The following EHD1 variants were observed in gnomAD, a reference collection of about 807,000 sequenced individuals.
EHD1 encodes EH domain containing 1, also known as EH domain-containing protein 1.
Under a neutral mutation model 39.0 loss-of-function variants are expected in EHD1, and 19 were observed. That is an observed-to-expected ratio of 0.49 (90% confidence interval 0.34 to 0.72). The LOEUF is 0.72. EHD1 is among the 30% of genes least tolerant of loss of function. The probability of loss-of-function intolerance (pLI) is 0.01; values close to 1 mark genes in which losing one functional copy is unlikely to be tolerated. For missense variants in EHD1, 542 were observed against 751.5 expected, an observed-to-expected ratio of 0.72 and a Z score of 3.26; for synonymous variants, 323 against 331.2, an observed-to-expected ratio of 0.98 and a Z score of 0.27.
At chr11:64,869,261 C>T (rs1048384409) in intron 2 of EHD1, among the ~76,000 whole-genome samples, 1 of 152,270 alleles carries the variant, frequency 6.6e-6, no homozygotes, top group Non-Finnish European at 1.5e-5. Context: ...GTGGCAGAGC[C>T]TGCACGCCCC....
intron 2 of EHD1, 111 bp downstream of exon 2, chr11:64,874,301 CAAAAAAAAA>C: frequency 8.4e-6 from 4 of 477,570 alleles, no homozygotes; most frequent in Non-Finnish European, 1.3e-5. Context: ...AAGACTCCGT[CAAAAAAAAA>C]AAAAAAAAAA....
upstream of EHD1, chr11:64,878,754 G>A: frequency 7.7e-7 from 1 of 1,296,454 alleles, no homozygotes; most frequent in Non-Finnish European, 9.8e-7. Flanking sequence ...TCCGACTGGT[G>A]CCACGTCTTC....
chr11:64,864,490 CAG>C lies in EHD1; in HGVS notation c.503-4156_503-4155del, dbSNP rs146600229. The stretch of plus-strand genomic sequence containing the variant: ...GAGGCCAAGGGCAACATGAGGGAAA[CAG>C]GGGCAGGGAGAGGCCGCCTCTGCCC... On this transcript the variant is annotated intron_variant, in intron 2 of 4. Coordinates refer to ENST00000320631, the MANE Select transcript of EHD1 (RefSeq NM_006795.4). 2.7e-3 allele frequency among the ~76,000 whole-genome samples: 407 copies of C among 152,354 alleles called. 24 individuals carry two copies. In the East Asian group the frequency reaches 0.066, roughly 25 times the overall value.
At chr11:64,861,141 G>T (rs7952306) in intron 2 of EHD1, among the ~76,000 whole-genome samples, 115,690 of 151,148 alleles carry the variant, frequency 0.77, 46,441 homozygotes, top group Non-Finnish European at 0.88. Context: ...AGCCGAGATT[G>T]TGCCACTGCA....
In EHD1 at chr11:64,860,053, G is replaced by A; in HGVS notation, c.786C>T (p.Leu262=). 1.2e-6 allele frequency: 2 copies of A among 1,614,162 alleles called. No homozygotes were observed. Among genetic ancestry groups the A allele is most frequent in the Admixed American group, 1.7e-5 (1 of 60,024 alleles). Reference sequence around the variant, plus strand: ...AGAGCTTGCGGTTGTCGGGGATGAGGAGCGGGTGGGACCAGAAGGAGCCGA... The same window carrying A: ...AGAGCTTGCGGTTGTCGGGGATGAGAAGCGGGTGGGACCAGAAGGAGCCGA... ...VYIGSFWSHP[L]LIPDNRKLFE... is the part of the protein sequence containing the mutation. The change falls in exon 3 of 5, where the codon CTC becomes CTT. Residue 262 remains leucine (L), a synonymous_variant. Transcript: ENST00000320631.
At chr11:64,861,956 G>A (rs1008515704) in intron 2 of EHD1, among the ~76,000 whole-genome samples, 1 of 152,126 alleles carries the variant, frequency 6.6e-6, no homozygotes, top group African/African-American at 2.4e-5. Context: ...CACCCAGGCT[G>A]GAGTGCAGTG....
chr11:64,877,445 G>A (rs1943896676), intron 1 of EHD1, among the ~76,000 whole-genome samples: 1 of 152,144 alleles, frequency 6.6e-6, no homozygotes, highest in Admixed American at 6.5e-5. Flanking sequence ...AACCCCTCAG[G>A]GCAGCACTGA....
chr11:64,874,987 G>A (rs1943870054), intron 1 of EHD1, among the ~76,000 whole-genome samples: 1 of 152,240 alleles, frequency 6.6e-6, no homozygotes, highest in South Asian at 2.1e-4. Flanking sequence ...CAGCCGCTTG[G>A]GTGAGGGAAT....
rs1373037767 is a variant in EHD1, at chr11:64,874,508, C to T, written c.415G>A (p.Ala139Thr). ...GNAFLNRFMC[A>T]QLPNPVLDSI... ...TCCAGGACGGGGTTGGGCAGCTGGG[C>T]ACACATGAACCTACATGAGAGCAAG... Residue 139 changes from alanine to threonine, a missense_variant, in exon 2 of 5, where the codon GCC (alanine) becomes ACC (threonine). By Grantham distance (58) the Ala-to-Thr change is moderately conservative. Coordinates refer to ENST00000320631, the MANE Select transcript of EHD1 (RefSeq NM_006795.4). 1.2e-6 allele frequency: 2 copies of T among 1,607,250 alleles called. No homozygotes were observed. Among genetic ancestry groups the T allele is most frequent in the African/African-American group, 2.7e-5 (2 of 74,622 alleles).
intron 2 of EHD1, among the ~76,000 whole-genome samples, chr11:64,866,898 C>T (rs1943773148): frequency 6.6e-6 from 1 of 151,978 alleles, no homozygotes; most frequent in African/African-American, 2.4e-5. Context: ...CAGGAGTAAT[C>T]AAGTGCACAG....
Position 64,871,367 on chromosome 11 carries a change from G to A in EHD1, c.502+3054C>T, listed in dbSNP as rs184847761. On this transcript the variant is annotated intron_variant, in intron 2 of 4. Coordinates refer to ENST00000320631, the MANE Select transcript of EHD1 (RefSeq NM_006795.4). ...ACCTCCTCCGCTGGACAGGCCACAC[G>A]GGCCTTTCCATGACTGACGGGCGGG... Among the ~76,000 whole-genome samples, 9 of 152,260 alleles carry A rather than the reference G, an allele frequency of 5.9e-5. No individual in the cohort carries two copies. In the East Asian group the frequency reaches 1.4e-3, roughly 23 times the overall value.
chr11:64,878,877 G>A (rs1943922912), upstream of EHD1: 5 of 1,065,866 alleles, frequency 4.7e-6, no homozygotes, highest in Non-Finnish European at 5.7e-6. Flanking sequence ...CGAAAGTGCT[G>A]CGGTTAGGAA....
Position 64,854,545 on chromosome 11 carries a change from C to T in EHD1, c.1393G>A (p.Ala465Thr), listed in dbSNP as rs1318006288. The change falls in exon 5 of 5, where the codon GCC becomes ACC. Residue 465 changes from alanine (A) to threonine (T), a missense_variant. Physicochemically the swap from Ala to Thr is moderately conservative, Grantham distance 58. Coordinates refer to ENST00000320631, the MANE Select transcript of EHD1 (RefSeq NM_006795.4). ...TTCACCATCTCCTTCTTGGCGTTGG[C>T]GCCCGTGATCTTGCCGTTGACAGGG... ...LSPVNGKITGANAKKEMVKSK... is the reference protein window; with the variant it reads ...LSPVNGKITGTNAKKEMVKSK... The T allele has an allele frequency of 2.5e-6, 4 of 1,614,052 alleles. No homozygotes were observed. In the African/African-American group the frequency reaches 4.0e-5, roughly 16 times the overall value.
intron 3 of EHD1, chr11:64,859,481 C>A (rs538123779): frequency 6.3e-6 from 1 of 158,968 alleles, no homozygotes; most frequent in East Asian, 1.8e-4. Context: ...GATCATGCCA[C>A]TGCACTCCAG....
At chr11:64,874,301 CAAAAAA>C (rs35867760) in intron 2 of EHD1, 114 bp downstream of exon 2, 203 of 477,182 alleles carry the variant, frequency 4.3e-4, no homozygotes, top group Middle Eastern at 1.8e-3. Flanking sequence ...AAGACTCCGT[CAAAAAA>C]AAAAAAAAAA....
intron 2 of EHD1, among the ~76,000 whole-genome samples, chr11:64,867,196 A>G (rs1203144799): frequency 6.6e-6 from 1 of 152,174 alleles, no homozygotes; most frequent in Non-Finnish European, 1.5e-5. Flanking sequence ...AGGCGGGCTG[A>G]TCACCTGAGG....
chr11:64,872,023 T>C (rs1189921584), intron 2 of EHD1, among the ~76,000 whole-genome samples: 1 of 152,186 alleles, frequency 6.6e-6, no homozygotes, highest in Non-Finnish European at 1.5e-5. Context: ...TGCCTGCCTC[T>C]TTCCTACCAG....
chr11:64,878,637 C>T (rs1298337849), upstream of EHD1: 6 of 1,398,748 alleles, frequency 4.3e-6, no homozygotes, highest in Non-Finnish European at 5.5e-6. Flanking sequence ...GCACCCCTCG[C>T]GGAGCGGCCT....
intron 2 of EHD1, among the ~76,000 whole-genome samples, chr11:64,864,762 T>C (rs370058333): frequency 2.0e-5 from 3 of 152,002 alleles, no homozygotes; most frequent in East Asian, 3.9e-4. Flanking sequence ...CAAAACCGAG[T>C]TCTTGGGAAT....
Sources: allele counts gnomAD v4.1 joint callset (sites outside exome capture counted in the v4.1 genomes callset), GRCh38; gene constraint gnomAD v4.1.1; transcripts MANE v1.5; gene names NCBI Gene and HGNC (gene_info 2026-07-23, HGNC 2026-07-21).